Variants in HYKK observed in about 807,000 individuals in gnomAD.
The protein encoded by HYKK is 5-hydroxy-L-lysine kinase.
A neutral mutation model predicts 29.7 loss-of-function variants in HYKK; 19 were observed. The ratio of observed to expected loss-of-function variants is 0.64; its 90% confidence interval spans 0.45 to 0.94. The LOEUF (loss-of-function observed/expected upper bound fraction) is 0.94, where lower values mean the gene tolerates loss of function less well. Among genes scored for constraint, HYKK ranks in the 40% least tolerant of loss-of-function variants. The probability of loss-of-function intolerance (pLI) is 0.00; values close to 1 mark genes in which losing one functional copy is unlikely to be tolerated. For synonymous variants in HYKK, 152 were observed against 158.1 expected (o/e 0.96, Z 0.29); for missense variants, 390 against 443.4 (o/e 0.88, Z 1.08).
At chr15:78,517,235 CCTCT>C (rs2052145414) in intron 3 of HYKK, among the ~76,000 whole-genome samples, 1 of 151,486 alleles carries the variant, frequency 6.6e-6, no homozygotes, top group Non-Finnish European at 1.5e-5. Flanking sequence ...TCAGATCGTC[CCTCT>C]GAATGTAATG....
rs144040460 is a variant in HYKK, at chr15:78,515,120, G to A, written c.477+13G>A. ...TAAGACACTGCAGGTAAGATTTGGG[G>A]CTTTATTTTATTCTAAGGGATGTTT... On this transcript the variant is annotated intron_variant, in intron 3 of 4. Transcript: ENST00000388988. 6.5e-7 allele frequency: 1 copy of A among 1,535,232 alleles called. No homozygotes were observed. The highest frequency in any genetic ancestry group is 8.8e-7 in the Non-Finnish European group (1 of 1,141,362).
intron 2 of HYKK, among the ~76,000 whole-genome samples, chr15:78,514,312 C>G (rs1195160331): frequency 1.3e-5 from 2 of 152,110 alleles, no homozygotes; most frequent in African/African-American, 4.8e-5. Flanking sequence ...GTGAGACAGC[C>G]CTTTTCACCT....
chr15:78,510,316 TG>T lies in HYKK; in HGVS notation c.-6+2647del, dbSNP rs908714593. 3.3e-5 allele frequency among the ~76,000 whole-genome samples: 5 copies of T among 152,134 alleles called. No individual in the cohort carries two copies. The East Asian group carries it at 9.6e-4, about 29-fold the overall frequency. On this transcript the variant is annotated intron_variant, in intron 1 of 4. Transcript: ENST00000388988. ...CTCCTGCCGCAGCCTCCTGAGTAGC[TG>T]GAATTATAGGCGCCGGCCACCATGC...
rs1202544651 is a variant in HYKK at position 78,534,800 on chromosome 15, C to T, written c.*1130C>T. 1 of 152,156 alleles carries T rather than the reference C, an allele frequency of 6.6e-6. No individual in the cohort carries two copies. The highest frequency in any genetic ancestry group is 6.5e-5 in the Admixed American group (1 of 15,274). 9.4% of individuals were successfully genotyped at this position (152,156 alleles called of 1,614,324 possible). ...ACTGCAAGGAAGCAAATAATGACAT[C>T]CAGGCAAGGCCACTAACCCCTGAGC... On this transcript the variant is annotated 3_prime_UTR_variant, in exon 5 of 5. Transcript: ENST00000388988.
At chr15:78,531,929 T>C (rs760627157) in intron 4 of HYKK, among the ~76,000 whole-genome samples, 3 of 135,972 alleles carry the variant, frequency 2.2e-5, no homozygotes, top group Non-Finnish European at 5.3e-5. Flanking sequence ...TAATATTGTT[T>C]CTATGTGCCC....
chr15:78,514,964 T>C lies in HYKK; in HGVS notation c.338-4T>C. 1.3e-6 allele frequency: 2 copies of C among 1,513,394 alleles called. No homozygotes were observed. Among genetic ancestry groups the C allele is most frequent in the Non-Finnish European group, 1.8e-6 (2 of 1,120,982 alleles). 93.7% of individuals were successfully genotyped at this position (1,513,394 alleles called of 1,614,324 possible). On this transcript the variant is annotated splice_polypyrimidine_tract_variant and splice_region_variant and intron_variant, in intron 2 of 4. Transcript: ENST00000388988. ...TCAAAGGATATTTTATTCCATCCAT[T>C]TAGATAGTGGCTCTGAAATCAAAAG...
intron 3 of HYKK, among the ~76,000 whole-genome samples, chr15:78,525,231 C>G (rs2052238656): frequency 6.6e-6 from 1 of 151,950 alleles, no homozygotes; most frequent in Non-Finnish European, 1.5e-5. Flanking sequence ...TCTCAGCTCA[C>G]TGCAAGCTCT....
At chr15:78,512,887 G>A (rs542785908) in intron 1 of HYKK, among the ~76,000 whole-genome samples, 197 bp from the exon 2 acceptor site, 34 of 152,288 alleles carry the variant, frequency 2.2e-4, no homozygotes, top group African/African-American at 7.9e-4. Context: ...ATAAGAATTT[G>A]TATGCAGTTG....
At chr15:78,518,050 C>G (rs909160417) in intron 3 of HYKK, among the ~76,000 whole-genome samples, 2 of 152,230 alleles carry the variant, frequency 1.3e-5, no homozygotes, top group South Asian at 2.1e-4. Context: ...CCTGCAAACT[C>G]AAACTCCTTT....
chr15:78,519,382 A>G (rs2052168141), intron 3 of HYKK, among the ~76,000 whole-genome samples: 1 of 152,232 alleles, frequency 6.6e-6, no homozygotes, highest in African/African-American at 2.4e-5. Context: ...TCATTTGTTC[A>G]CAATAATATA....
At chr15:78,517,304 G>A (rs1374759384) in intron 3 of HYKK, among the ~76,000 whole-genome samples, 1 of 152,022 alleles carries the variant, frequency 6.6e-6, no homozygotes, top group African/African-American at 2.4e-5. Context: ...GCCAGGCAAG[G>A]TGGCTCACAC....
intron 4 of HYKK, among the ~76,000 whole-genome samples, chr15:78,529,816 T>C (rs79926524): frequency 6.6e-6 from 1 of 152,058 alleles, no homozygotes; most frequent in African/African-American, 2.4e-5. Flanking sequence ...TGTCTTTTCA[T>C]GGTACAGTAT....
chr15:78,513,434 T>A lies in HYKK; in HGVS notation c.337+9T>A, dbSNP rs772067298. On this transcript the variant is annotated intron_variant, in intron 2 of 4. Coordinates refer to ENST00000388988, the MANE Select transcript of HYKK (RefSeq NM_001013619.4). ...TTCTCTCGTGTCTGTAGGTAAGAGA[T>A]GACCAATTCGCCGATCCATTACCTA... 6.3e-7 allele frequency: 1 copy of A among 1,595,162 alleles called. No individual in the cohort carries two copies. The highest frequency in any genetic ancestry group is 1.1e-5 in the South Asian group (1 of 89,522).
intron 1 of HYKK, among the ~76,000 whole-genome samples, chr15:78,512,225 T>G (rs1333815800): frequency 6.6e-6 from 1 of 152,068 alleles, no homozygotes; most frequent in Non-Finnish European, 1.5e-5. Context: ...ATTTTTCTAT[T>G]TGAAATATGT....
chr15:78,529,223 C>T (rs761124081), intron 4 of HYKK, among the ~76,000 whole-genome samples: 1 of 152,096 alleles, frequency 6.6e-6, no homozygotes, highest in Non-Finnish European at 1.5e-5. Context: ...TAAGATTCTG[C>T]GTGTCATTGC....
chr15:78,525,358 A>G (rs982379092), intron 3 of HYKK, among the ~76,000 whole-genome samples: 6 of 151,814 alleles, frequency 4.0e-5, no homozygotes, highest in South Asian at 2.1e-4. Flanking sequence ...TGGTTTCACC[A>G]TGTTAGCCAG....
chr15:78,511,447 C>T (rs1379822132), intron 1 of HYKK, among the ~76,000 whole-genome samples: 3 of 152,006 alleles, frequency 2.0e-5, no homozygotes, highest in Non-Finnish European at 4.4e-5. Context: ...CAAGGCCCAG[C>T]GTGGTGGCTC....
chr15:78,527,788 T>C, intron 4 of HYKK: 1 of 1,243,716 alleles, frequency 8.0e-7, no homozygotes, highest in South Asian at 1.9e-5. Context: ...CCCATTAAAT[T>C]TGCACATTAC....
At chr15:78,513,041 C>A in intron 1 of HYKK, 43 bp from the exon 2 acceptor site, 1 of 986,442 alleles carries the variant, frequency 1.0e-6, no homozygotes, top group Non-Finnish European at 1.6e-6. Context: ...TAAATATATT[C>A]ATCCTGTGTC....
Sources: allele counts gnomAD v4.1 joint callset (sites outside exome capture counted in the v4.1 genomes callset), GRCh38; gene constraint gnomAD v4.1.1; transcripts MANE v1.5; gene names NCBI Gene and HGNC (gene_info 2026-07-23, HGNC 2026-07-21).